SLC29A3: variants seen among roughly 807,000 people sequenced by gnomAD.
SLC29A3 encodes equilibrative nucleoside transporter 3.
Under a neutral mutation model 25.4 loss-of-function variants are expected in SLC29A3, and 18 were observed. The observed-to-expected ratio is 0.71, with a 90% CI of 0.49 to 1.05. The LOEUF is 1.05. SLC29A3 is among the 50% of genes least tolerant of loss of function. The pLI is 0.00. For synonymous variants in SLC29A3, 258 were observed against 267.1 expected (o/e 0.97, Z 0.33); for missense variants, 586 against 609.0 (o/e 0.96, Z 0.40).
chr10:71,327,298 C>G (rs900561508), intron 2 of SLC29A3, among the ~76,000 whole-genome samples: 4 of 152,174 alleles, frequency 2.6e-5, no homozygotes, highest in African/African-American at 9.6e-5. Flanking sequence ...AGAAAGTATC[C>G]TGCTCACTCT....
intron 2 of SLC29A3, among the ~76,000 whole-genome samples, chr10:71,330,927 G>A (rs1846104408): frequency 6.6e-6 from 1 of 151,914 alleles, no homozygotes; most frequent in African/African-American, 2.4e-5. Flanking sequence ...GGAAACCAAG[G>A]TTGAAAAGTT....
At chr10:71,345,800 T>C (rs758902492) in intron 3 of SLC29A3, among the ~76,000 whole-genome samples, 7 of 151,602 alleles carry the variant, frequency 4.6e-5, no homozygotes, top group Non-Finnish European at 8.8e-5. Context: ...GGAGAGAGGG[T>C]GTGTTGAGAG....
exon 5 of SLC29A3, chr10:71,381,233 T>C (rs929703408): frequency 1.3e-5 from 2 of 152,214 alleles, no homozygotes; most frequent in African/African-American, 4.8e-5. Context: ...GCAGGCTCAC[T>C]ACTGTATCAA....
chr10:71,344,178 C>T (rs370877854), intron 2 of SLC29A3, 31 bp from the exon 3 acceptor site: 43 of 1,578,564 alleles, frequency 2.7e-5, no homozygotes, highest in Non-Finnish European at 3.3e-5. Flanking sequence ...CCCTGAGTGA[C>T]CGCAGCACCT....
At chr10:71,344,816 G>C (rs1275019914) in intron 3 of SLC29A3, among the ~76,000 whole-genome samples, 2 of 152,214 alleles carry the variant, frequency 1.3e-5, no homozygotes, top group African/African-American at 4.8e-5. Flanking sequence ...TGGGTGACTT[G>C]CTGGCTCAAA....
At chr10:71,347,834 G>C (rs569604318) in intron 3 of SLC29A3, among the ~76,000 whole-genome samples, 4 of 152,268 alleles carry the variant, frequency 2.6e-5, no homozygotes, top group Admixed American at 6.5e-5. Context: ...TTCCTGCCCT[G>C]GGGGTACCTG....
chr10:71,326,363 A>G (rs1845965618), intron 2 of SLC29A3, among the ~76,000 whole-genome samples: 1 of 152,238 alleles, frequency 6.6e-6, no homozygotes. Flanking sequence ...TATAAACACT[A>G]TTATTGTGAT....
At chr10:71,373,283 A>G (rs960667390) in intron 3 of SLC29A3, among the ~76,000 whole-genome samples, 1 of 152,250 alleles carries the variant, frequency 6.6e-6, no homozygotes, top group African/African-American at 2.4e-5. Flanking sequence ...CAGAAGACAG[A>G]TGTCTGTGGC....
chr10:71,364,382 G>C (rs1352685757), downstream of SLC29A3: 1 of 152,188 alleles, frequency 6.6e-6, no homozygotes, highest in Non-Finnish European at 1.5e-5. Flanking sequence ...GCTCTATCTG[G>C]GGGGGCTGTG....
At chr10:71,377,136 TC>T (rs1213915565) in intron 4 of SLC29A3, among the ~76,000 whole-genome samples, 1 of 152,102 alleles carries the variant, frequency 6.6e-6, no homozygotes. Context: ...GAGGGATAGG[TC>T]CCGAAGTGCT....
At chr10:71,326,876 G>A (rs749224583) in intron 2 of SLC29A3, among the ~76,000 whole-genome samples, 1 of 152,132 alleles carries the variant, frequency 6.6e-6, no homozygotes, top group Non-Finnish European at 1.5e-5. Context: ...TCGATTCATG[G>A]GCCGGGATTG....
At chr10:71,349,025 T>C (rs992440696) in intron 3 of SLC29A3, among the ~76,000 whole-genome samples, 2 of 152,100 alleles carry the variant, frequency 1.3e-5, no homozygotes, top group Admixed American at 6.5e-5. Flanking sequence ...ATGTACCAAC[T>C]TCCCTAGTCA....
intron 5 of SLC29A3, among the ~76,000 whole-genome samples, chr10:71,357,206 G>A (rs1384652258): frequency 6.6e-6 from 1 of 152,134 alleles, no homozygotes; most frequent in Non-Finnish European, 1.5e-5. Context: ...ATCAGGTCAG[G>A]AGATCGAGAC....
chr10:71,335,948 G>T (rs781032598), intron 2 of SLC29A3, among the ~76,000 whole-genome samples: 2 of 152,178 alleles, frequency 1.3e-5, no homozygotes, highest in African/African-American at 2.4e-5. Flanking sequence ...GGACAGAGAT[G>T]ATGAGGAAGT....
At chr10:71,336,351 T>C (rs1431099649) in intron 2 of SLC29A3, among the ~76,000 whole-genome samples, 1 of 152,088 alleles carries the variant, frequency 6.6e-6, no homozygotes, top group Non-Finnish European at 1.5e-5. Context: ...TTCAGCCCCC[T>C]CTAGACGGGG....
At position 71,362,211 on chromosome 10, in the gene SLC29A3, A is replaced by T. The variant is rs1307457378; in HGVS notation, c.1031A>T (p.Lys344Met). 2.5e-6 allele frequency: 4 copies of T among 1,613,898 alleles called. No homozygotes were observed. The African/African-American group carries it at 5.3e-5, about 22-fold the overall frequency. ...GGTTCGGGCTCACTGTGGACCACCA[A>T]GTTTTTCATCCCCCTCACTACCTTC... ...NKGSGSLWTTKFFIPLTTFLL... is the reference protein window; with the variant it reads ...NKGSGSLWTTMFFIPLTTFLL... The change falls in exon 6 of 6, where the codon AAG (lysine) becomes ATG (methionine). Residue 344 changes from lysine to methionine, a missense_variant. By Grantham distance (95) the Lys-to-Met change is moderately conservative (BLOSUM62 -1). Transcript: ENST00000373189.
chr10:71,339,286 C>G (rs927453114), intron 2 of SLC29A3, among the ~76,000 whole-genome samples: 1 of 152,170 alleles, frequency 6.6e-6, no homozygotes, highest in Non-Finnish European at 1.5e-5. Context: ...TGCAGAGCTC[C>G]CACTTCCCCA....
chr10:71,357,696 C>A (rs1203084173), intron 5 of SLC29A3, among the ~76,000 whole-genome samples: 1 of 152,208 alleles, frequency 6.6e-6, no homozygotes, highest in Non-Finnish European at 1.5e-5. Flanking sequence ...GTTTTCTTGT[C>A]TCGAGTCTTA....
chr10:71,372,043 C>T (rs914563314), intron 3 of SLC29A3, among the ~76,000 whole-genome samples: 1 of 152,184 alleles, frequency 6.6e-6, no homozygotes, highest in Non-Finnish European at 1.5e-5. Flanking sequence ...CCAGATCTAT[C>T]GACAGTTTCA....
Sources: allele counts gnomAD v4.1 joint callset (sites outside exome capture counted in the v4.1 genomes callset), GRCh38; gene constraint gnomAD v4.1.1; transcripts MANE v1.5; gene names NCBI Gene and HGNC (gene_info 2026-07-23, HGNC 2026-07-21).